GHR: variants seen among roughly 807,000 people sequenced by gnomAD.
GHR encodes GH receptor.
A neutral mutation model predicts 67.1 loss-of-function variants in GHR; 35 were observed. The observed-to-expected ratio is 0.52, with a 90% CI of 0.40 to 0.69. The LOEUF is 0.69. Ranked by LOEUF, GHR falls within the 30% of genes least tolerant of loss-of-function variation. The probability of loss-of-function intolerance (pLI) is 0.00; values close to 1 mark genes in which losing one functional copy is unlikely to be tolerated. For synonymous variants in GHR, 272 were observed against 269.1 expected (o/e 1.01, Z -0.10); for missense variants, 792 against 764.6 (o/e 1.04, Z -0.42).
chr5:42,549,233 T>C (rs1748892129), intron 1 of GHR, among the ~76,000 whole-genome samples: 1 of 152,218 alleles, frequency 6.6e-6, no homozygotes, highest in Non-Finnish European at 1.5e-5. Flanking sequence ...CCACCACTTA[T>C]TCTATCTCAA....
At chr5:42,463,775 C>T (rs1355460823) in intron 1 of GHR, among the ~76,000 whole-genome samples, 3 of 151,654 alleles carry the variant, frequency 2.0e-5, no homozygotes, top group African/African-American at 7.3e-5. Flanking sequence ...GGGTGGATCA[C>T]GAGGTCAGGA....
At chr5:42,675,511 A>T (rs1756528030) in intron 3 of GHR, among the ~76,000 whole-genome samples, 1 of 152,220 alleles carries the variant, frequency 6.6e-6, no homozygotes, top group Admixed American at 6.5e-5. Flanking sequence ...ATTAAATGAA[A>T]TAATTTGAAA....
intron 8 of GHR, among the ~76,000 whole-genome samples, chr5:42,714,442 G>A (rs1172203552): frequency 6.6e-6 from 1 of 152,090 alleles, no homozygotes; most frequent in Non-Finnish European, 1.5e-5. Context: ...TGAGATCTAT[G>A]TTAATATATT....
intron 2 of GHR, among the ~76,000 whole-genome samples, chr5:42,602,180 C>T (rs1418454237): frequency 6.6e-6 from 1 of 152,060 alleles, no homozygotes; most frequent in African/African-American, 2.4e-5. Context: ...GTGGTAAGAG[C>T]TCCAGAAATC....
chr5:42,471,450 T>C (rs191475819), intron 1 of GHR, among the ~76,000 whole-genome samples: 185 of 152,334 alleles, frequency 1.2e-3, no homozygotes, highest in African/African-American at 4.3e-3. Context: ...TATACACTTA[T>C]GATGCAAGGA....
intron 1 of GHR, chr5:42,467,691 G>T: frequency 1.3e-6 from 2 of 1,584,792 alleles, no homozygotes; most frequent in East Asian, 2.2e-5. Flanking sequence ...CACTCTGAAT[G>T]AAGGCCTTCC....
rs1561135605 is a variant in GHR at position 42,576,089 on chromosome 5, TAAAATAAAATA to T, written c.70+10148_70+10158del. Reference sequence around the variant, plus strand: ...TAAAATAAAATAAAATAAAATAAAATAAAATAAAATAAATAAAATAAAATAAAATAAAATAA... The same window carrying T: ...TAAAATAAAATAAAATAAAATAAAATAATAAAATAAAATAAAATAAAATAA... On this transcript the variant is annotated intron_variant, in intron 2 of 9. Transcript: ENST00000230882. 1.0e-3 allele frequency among the ~76,000 whole-genome samples: 81 copies of T among 79,772 alleles called. 4 individuals are homozygous for T. The highest frequency in any genetic ancestry group is 4.3e-3 in the African/African-American group (63 of 14,582). The allele number at this position is 79,772 out of a possible 152,430, so 52.3% of individuals were successfully genotyped here.
intron 1 of GHR, among the ~76,000 whole-genome samples, chr5:42,521,579 C>CATTTTCGTCTGCTAACG (rs1350309517): frequency 1.3e-5 from 2 of 152,174 alleles, no homozygotes; most frequent in African/African-American, 4.8e-5. Context: ...GAAAGCTTTA[C>CATTTTCGTCTGCTAACG]ATTTTCATCT....
chr5:42,688,950 G>T lies in GHR; in HGVS notation c.197G>T (p.Cys66Phe). Residue 66 changes from cysteine (C) to phenylalanine (F), a missense_variant, in exon 4 of 10, where the codon TGC (cysteine) becomes TTC (phenylalanine). By Grantham distance (205) the Cys-to-Phe change is radical. Transcript: ENST00000230882. The stretch of plus-strand genomic sequence containing the variant: ...TCACCTGAGCGAGAGACTTTTTCAT[G>T]CCACTGGACAGATGAGGTTCATCAT... ...CRSPERETFS[C>F]HWTDEVHHGT... is the part of the protein sequence containing the mutation. 1 of 1,613,114 alleles carries T rather than the reference G, an allele frequency of 6.2e-7. No homozygotes were observed. Among genetic ancestry groups the T allele is most frequent in the South Asian group, 1.1e-5 (1 of 91,060 alleles).
chr5:42,532,564 C>A (rs941715926), intron 1 of GHR, among the ~76,000 whole-genome samples: 8 of 152,108 alleles, frequency 5.3e-5, no homozygotes, highest in Non-Finnish European at 1.0e-4. Flanking sequence ...TTCTCTGCCA[C>A]CCCAGAGAAA....
At chr5:42,662,815 G>A (rs1288388582) in intron 3 of GHR, among the ~76,000 whole-genome samples, 1 of 152,122 alleles carries the variant, frequency 6.6e-6, no homozygotes, top group Non-Finnish European at 1.5e-5. Context: ...ATGAATCCAG[G>A]AGCTGGTTTT....
intron 2 of GHR, among the ~76,000 whole-genome samples, chr5:42,576,114 A>AAAATAAAAT (rs1561135866): frequency 0.013 from 1,274 of 97,224 alleles, 13 homozygotes; most frequent in South Asian, 0.028. Flanking sequence ...AAAATAAAAT[A>AAAATAAAAT]AAATAAAATA....
chr5:42,619,573 T>G (rs558007083), intron 2 of GHR: 2 of 152,236 alleles, frequency 1.3e-5, no homozygotes, highest in African/African-American at 2.4e-5. Flanking sequence ...TGCCATTGAA[T>G]GCCCAGCAAC....
At chr5:42,468,227 C>T (rs767293388) in intron 1 of GHR, 4 of 1,518,498 alleles carry the variant, frequency 2.6e-6, no homozygotes, top group Non-Finnish European at 3.7e-6. Context: ...TGGCTGGATG[C>T]CTGATCTGGG....
chr5:42,434,376 C>G (rs1030281055), intron 1 of GHR, among the ~76,000 whole-genome samples: 1 of 152,104 alleles, frequency 6.6e-6, no homozygotes, highest in Admixed American at 6.5e-5. Context: ...TGCCTGAAGT[C>G]AGAAATGCTA....
At chr5:42,526,251 A>G (rs937279237) in intron 1 of GHR, among the ~76,000 whole-genome samples, 2 of 152,156 alleles carry the variant, frequency 1.3e-5, no homozygotes, top group Non-Finnish European at 2.9e-5. Flanking sequence ...TGGATAGAAA[A>G]TCAAACCAGC....
intron 1 of GHR, among the ~76,000 whole-genome samples, chr5:42,432,135 T>A (rs1743122736): frequency 6.6e-6 from 1 of 152,222 alleles, no homozygotes; most frequent in South Asian, 2.1e-4. Flanking sequence ...TATTGAAAAG[T>A]CTTAAAAGAA....
intron 3 of GHR, among the ~76,000 whole-genome samples, chr5:42,637,772 C>T (rs562988314): frequency 5.9e-5 from 9 of 152,170 alleles, no homozygotes; most frequent in South Asian, 2.1e-4. Flanking sequence ...TATATGAGTG[C>T]GTGTGTCCTT....
At chr5:42,542,341 T>C (rs1340449814) in intron 1 of GHR, among the ~76,000 whole-genome samples, 2 of 152,182 alleles carry the variant, frequency 1.3e-5, no homozygotes, top group African/African-American at 2.4e-5. Flanking sequence ...GTGGAAGTCA[T>C]TGGTGACTAG....
Sources: allele counts gnomAD v4.1 joint callset (sites outside exome capture counted in the v4.1 genomes callset), GRCh38; gene constraint gnomAD v4.1.1; transcripts MANE v1.5; gene names NCBI Gene and HGNC (gene_info 2026-07-23, HGNC 2026-07-21).